The following AGBL4 variants were observed in gnomAD, a reference collection of about 807,000 sequenced individuals.
AGBL4 encodes AGBL carboxypeptidase 4.
AGBL4 carries 58 observed loss-of-function variants against 66.4 expected under a neutral mutation model. The ratio of observed to expected loss-of-function variants is 0.87; its 90% CI spans 0.71 to 1.09. The LOEUF is 1.09. AGBL4 is among the 50% of genes least tolerant of loss of function. AGBL4 has a pLI of 0.00. For missense variants in AGBL4, 579 were observed against 631.0 expected, an observed-to-expected ratio of 0.92 and a Z score of 0.88; for synonymous variants, 234 against 222.9, an observed-to-expected ratio of 1.05 and a Z score of -0.44.
At chr1:49,148,899 G>A (rs1343902291) in intron 4 of AGBL4, among the ~76,000 whole-genome samples, 2 of 152,174 alleles carry the variant, frequency 1.3e-5, no homozygotes, top group East Asian at 3.9e-4. Context: ...GATCACTTCT[G>A]TGTATTTCCT....
intron 4 of AGBL4, among the ~76,000 whole-genome samples, chr1:49,156,442 G>A (rs1400913808): frequency 1.3e-5 from 2 of 152,176 alleles, no homozygotes; most frequent in African/African-American, 4.8e-5. Flanking sequence ...GTCTGAGAAT[G>A]AGGAATCTGG....
intron 3 of AGBL4, among the ~76,000 whole-genome samples, chr1:49,655,063 G>A (rs961603069): frequency 6.6e-6 from 1 of 152,126 alleles, no homozygotes; most frequent in African/African-American, 2.4e-5. Flanking sequence ...GCTCATACCG[G>A]TTATGCTGGT....
intron 1 of AGBL4, among the ~76,000 whole-genome samples, chr1:49,961,218 C>T (rs997818003): frequency 8.6e-5 from 13 of 152,012 alleles, no homozygotes; most frequent in African/African-American, 3.1e-4. Context: ...TATTTTAAAA[C>T]TTGTTCTTGG....
rs1010556576 is a variant in AGBL4, at chr1:49,073,552, C to T, written c.378-27752G>A. Reference sequence around the variant, plus strand: ...AGTTTGTTAGAGGTCCACTCCAAACCTTGTTTGCCTGGGTATCACCAGTGG... The same window carrying T: ...AGTTTGTTAGAGGTCCACTCCAAACTTTGTTTGCCTGGGTATCACCAGTGG... On this transcript the variant is annotated intron_variant, in intron 4 of 13. Transcript: ENST00000371839. Among the ~76,000 whole-genome samples, 4 of 152,176 alleles carry T rather than the reference C, an allele frequency of 2.6e-5. No individual in the cohort carries two copies. The East Asian group carries it at 7.7e-4, about 29-fold the overall frequency.
At chr1:48,796,118 C>T (rs1251707288) in intron 6 of AGBL4, among the ~76,000 whole-genome samples, 5 of 152,232 alleles carry the variant, frequency 3.3e-5, no homozygotes, top group Admixed American at 1.3e-4. Context: ...CTACTTGTAA[C>T]ATTTTCCCCT....
chr1:48,827,424 A>C (rs1479899495), intron 6 of AGBL4, among the ~76,000 whole-genome samples: 3 of 152,206 alleles, frequency 2.0e-5, no homozygotes, highest in Non-Finnish European at 2.9e-5. Flanking sequence ...GGGTCTTTAC[A>C]TACAGCCAAC....
chr1:49,653,741 T>G (rs1339336761), intron 3 of AGBL4, among the ~76,000 whole-genome samples: 1 of 151,032 alleles, frequency 6.6e-6, no homozygotes, highest in Non-Finnish European at 1.5e-5. Context: ...AAGACTGTCT[T>G]GCTGAATTAT....
At position 49,118,288 on chromosome 1, in the gene AGBL4, T is replaced by G. The variant is rs755881594; in HGVS notation, c.378-72488A>C. 4.3e-4 allele frequency among the ~76,000 whole-genome samples: 65 copies of G among 152,310 alleles called. No individual in the cohort carries two copies. The Middle Eastern group carries it at 0.01, about 24-fold the overall frequency. On this transcript the variant is annotated intron_variant, in intron 4 of 13. Transcript: ENST00000371839. ...AGTGGTGAGAGAGAGCATCCTTGTC[T>G]TGTGCTGGTTTTCAAAGGGAATGCT... is the stretch of plus-strand genomic sequence containing the variant.
At chr1:49,802,936 T>C (rs1195546797) in intron 2 of AGBL4, among the ~76,000 whole-genome samples, 4 of 152,166 alleles carry the variant, frequency 2.6e-5, no homozygotes. Context: ...AAATAAACTT[T>C]TCATTTGTAA....
chr1:49,008,637 C>T (rs1320269588), intron 5 of AGBL4, among the ~76,000 whole-genome samples: 1 of 138,370 alleles, frequency 7.2e-6, no homozygotes, highest in Non-Finnish European at 1.5e-5. Flanking sequence ...GTAAAGCTCT[C>T]CTCAGCAAAT....
intron 6 of AGBL4, chr1:48,758,751 T>C: frequency 3.1e-6 from 2 of 644,606 alleles, no homozygotes; most frequent in Non-Finnish European, 4.9e-6. Flanking sequence ...GGGGAGTGAC[T>C]CTTCCTTGAG....
intron 3 of AGBL4, among the ~76,000 whole-genome samples, chr1:49,573,188 G>A (rs867301508): frequency 2.9e-5 from 4 of 137,812 alleles, no homozygotes; most frequent in Middle Eastern, 3.7e-3. Flanking sequence ...GTGTGTGTGT[G>A]TATACTTTTA....
chr1:48,832,096 A>C (rs1297358372), intron 6 of AGBL4, among the ~76,000 whole-genome samples: 1 of 152,206 alleles, frequency 6.6e-6, no homozygotes, highest in Non-Finnish European at 1.5e-5. Flanking sequence ...ACTTTCATAC[A>C]CAAAGTAGAA....
At chr1:48,789,589 A>G (rs1645496783) in intron 6 of AGBL4, among the ~76,000 whole-genome samples, 1 of 152,068 alleles carries the variant, frequency 6.6e-6, no homozygotes. Context: ...CTGTGGATAT[A>G]TTTGATAGCA....
chr1:48,798,537 T>C (rs1431085988), intron 6 of AGBL4, among the ~76,000 whole-genome samples: 1 of 152,146 alleles, frequency 6.6e-6, no homozygotes, highest in Non-Finnish European at 1.5e-5. Context: ...TTTTGTTGAA[T>C]TTGCTTTGTT....
intron 6 of AGBL4, among the ~76,000 whole-genome samples, chr1:48,805,185 C>T (rs1446995708): frequency 1.3e-5 from 2 of 152,108 alleles, no homozygotes; most frequent in Admixed American, 6.6e-5. Flanking sequence ...TATACAATGA[C>T]GATACTATGT....
At chr1:49,805,618 G>C (rs78149832) in intron 2 of AGBL4, among the ~76,000 whole-genome samples, 2 of 152,182 alleles carry the variant, frequency 1.3e-5, no homozygotes, top group African/African-American at 4.8e-5. Context: ...TGGTGTTTGA[G>C]ATTGTCTGAA....
intron 9 of AGBL4, among the ~76,000 whole-genome samples, chr1:48,596,063 A>G (rs1644990189): frequency 1.3e-5 from 2 of 152,238 alleles, no homozygotes; most frequent in African/African-American, 4.8e-5. Flanking sequence ...GGAAGCTCAG[A>G]AAGCTCAAGT....
intron 3 of AGBL4, among the ~76,000 whole-genome samples, chr1:49,360,048 G>A (rs371739834): frequency 1.3e-5 from 2 of 152,036 alleles, no homozygotes; most frequent in South Asian, 2.1e-4. Flanking sequence ...AGGACTGGCC[G>A]ATATCAGTCA....
Sources: gnomAD v4.1 joint callset for allele counts (sites outside exome capture counted in the v4.1 genomes callset) on GRCh38, gnomAD v4.1.1 for gene constraint, MANE v1.5 for transcripts, NCBI Gene and HGNC (gene_info 2026-07-23, HGNC 2026-07-21) for gene names.